CRMP1: variants seen among roughly 807,000 people sequenced by gnomAD.
CRMP1 encodes the protein dihydropyrimidinase-related protein 1.
CRMP1 carries 19 observed loss-of-function variants against 68.3 expected under a neutral mutation model. That is an observed-to-expected ratio of 0.28 (90% CI 0.19 to 0.41). CRMP1 has a LOEUF of 0.41. Among genes scored for constraint, CRMP1 ranks in the 10% least tolerant of loss-of-function variants. The pLI, the probability that CRMP1 is intolerant of heterozygous loss-of-function variation, is 1.00. For missense variants in CRMP1, 791 were observed against 967.4 expected, an observed-to-expected ratio of 0.82 and a Z score of 2.42; for synonymous variants, 439 against 399.6, an observed-to-expected ratio of 1.10 and a Z score of -1.18.
At position 5,865,429 on chromosome 4, in the gene CRMP1, G is replaced by A. The variant is rs1435967539; in HGVS notation, c.470+1239C>T. 6.6e-6 allele frequency among the ~76,000 whole-genome samples: 1 copy of A among 151,986 alleles called. No individual in the cohort carries two copies. The highest frequency in any genetic ancestry group is 1.5e-5 in the Non-Finnish European group (1 of 68,018). On this transcript the variant is annotated intron_variant, in intron 2 of 13. Transcript: ENST00000324989. The surrounding 1 kb of genome is among the most constrained non-coding windows in gnomAD (Gnocchi z 4.1). ...GAGGTCAGGAGATCGAGACCATCCT[G>A]GCCAACATGGTGAAACCCCCGTCTC... is the stretch of plus-strand genomic sequence containing the variant.
In CRMP1 at chr4:5,861,641, C is replaced by A. The variant is rs1042190861; in HGVS notation, c.471-431G>T. 2.0e-5 allele frequency among the ~76,000 whole-genome samples: 3 copies of A among 152,090 alleles called. No individual in the cohort carries two copies. Among genetic ancestry groups the A allele is most frequent in the Non-Finnish European group, 4.4e-5 (3 of 68,032 alleles). On this transcript the variant is annotated intron_variant, in intron 2 of 13. Transcript: ENST00000324989. The surrounding 1 kb of genome is among the most constrained non-coding windows in gnomAD (Gnocchi z 6.0). ...ATGGGGAAGGAGGGAAAAGAGCCTA[C>A]GAAATGAGAAACGAAGCCCCCGGGG...
rs974650793 is a variant in CRMP1, at chr4:5,839,415, T to G, written c.1310+107A>C. The G allele has an allele frequency of 5.1e-6, 7 of 1,371,516 alleles. No individual in the cohort carries two copies. The African/African-American group carries it at 7.2e-5, about 14-fold the overall frequency. The allele number at this position is 1,371,516 out of a possible 1,614,324, so 85.0% of individuals were successfully genotyped here. A position where few individuals can be genotyped will look rare whatever the true frequency, so the allele number is the denominator to read the frequency against. On this transcript the variant is annotated intron_variant, in intron 9 of 13. Transcript: ENST00000324989. ...TCCTTGCAGAGCACGGGGCAGAGCC[T>G]CCTCTACAATCATGAGTCCAAACCA... is the stretch of plus-strand genomic sequence containing the variant.
intron 12 of CRMP1, 26 bp downstream of exon 12, chr4:5,828,463 G>T (rs1422902497): frequency 3.1e-6 from 5 of 1,606,454 alleles, no homozygotes; most frequent in Non-Finnish European, 4.3e-6. Context: ...CCACGGGTGG[G>T]CCCGCTCCCC....
rs1715800479 is a variant in CRMP1 at position 5,888,828 on chromosome 4, G to T, written c.381+3761C>A. ...AGGCCTCCCCGGAACATCTGCGGGG[G>T]TGTGGGGGGAGGGAGTGTGGGACGG... On this transcript the variant is annotated intron_variant, in intron 1 of 13. Transcript: ENST00000324989. This position sits in a 1 kb window ranked among gnomAD's most constrained non-coding sequence, Gnocchi z 6.4. 6.6e-6 allele frequency among the ~76,000 whole-genome samples: 1 copy of T among 151,852 alleles called. No individual in the cohort carries two copies. The highest frequency in any genetic ancestry group is 6.5e-5 in the Admixed American group (1 of 15,272).
chr4:5,833,981 G>C (rs181386018), intron 11 of CRMP1, among the ~76,000 whole-genome samples: 55 of 152,344 alleles, frequency 3.6e-4, no homozygotes, highest in Non-Finnish European at 7.4e-5. Context: ...GGGAGGCGGA[G>C]CTTGCAGTGA....
intron 2 of CRMP1, among the ~76,000 whole-genome samples, chr4:5,864,195 G>A (rs1457283000): frequency 1.3e-5 from 2 of 152,112 alleles, no homozygotes; most frequent in Admixed American, 1.3e-4. Context: ...CTCTATAAGG[G>A]GGCCTGGCCC....
intron 6 of CRMP1, among the ~76,000 whole-genome samples, chr4:5,846,654 G>A (rs1256485243): frequency 6.6e-6 from 1 of 150,442 alleles, no homozygotes; most frequent in South Asian, 2.1e-4. Flanking sequence ...GTAGTGGCGT[G>A]ATCTCATCTC....
chr4:5,891,626 C>T lies in CRMP1; in HGVS notation c.381+963G>A, dbSNP rs771980475. Among the ~76,000 whole-genome samples the T allele has an allele frequency of 6.6e-6, 1 of 152,184 alleles. No individual in the cohort carries two copies. Among genetic ancestry groups the T allele is most frequent in the East Asian group, 1.9e-4 (1 of 5,186 alleles). On this transcript the variant is annotated intron_variant, in intron 1 of 13. Transcript: ENST00000324989. This position sits in a 1 kb window ranked among gnomAD's most constrained non-coding sequence, Gnocchi z 5.2. ...CTAGCGCCTACCCTGGGCCTGGCAC[C>T]TAGCAGTTCTCCGGCATCCAGGTCT... is the stretch of plus-strand genomic sequence containing the variant.
intron 13 of CRMP1, among the ~76,000 whole-genome samples, chr4:5,824,090 T>C (rs1401485654): frequency 1.3e-5 from 2 of 152,214 alleles, no homozygotes; most frequent in East Asian, 3.9e-4. Flanking sequence ...TTTAACTTCA[T>C]TGTTATTCTT....
intron 2 of CRMP1, among the ~76,000 whole-genome samples, chr4:5,862,144 G>A (rs1282260000): frequency 2.0e-5 from 3 of 152,134 alleles, no homozygotes; most frequent in African/African-American, 7.2e-5. Flanking sequence ...CCAGGGACAA[G>A]GTGGACACCC....
Position 5,838,526 on chromosome 4 carries a change from C to T in CRMP1, c.1310+996G>A, listed in dbSNP as rs116793220. 8.6e-3 allele frequency among the ~76,000 whole-genome samples: 1,316 copies of T among 152,230 alleles called. 23 individuals carry two copies. The highest frequency in any genetic ancestry group is 0.03 in the African/African-American group (1,256 of 41,526). On this transcript the variant is annotated intron_variant, in intron 9 of 13. Coordinates refer to ENST00000324989, the MANE Select transcript of CRMP1 (RefSeq NM_001014809.3). This position sits in a 1 kb window ranked among gnomAD's most constrained non-coding sequence, Gnocchi z 4.9. The stretch of plus-strand genomic sequence containing the variant: ...GTGGCCTGAGCCAGGATGGCCACAG[C>T]AGACAGGTGAGGCGTTGTCAGACTC...
Position 5,879,625 on chromosome 4 carries a change from A to G in CRMP1, c.382-12869T>C, listed in dbSNP as rs1362086574. ...TTGAAATAATATGTAAAAGCACCCA[A>G]TACACTGAACACTGTCCTATGAAGT... On this transcript the variant is annotated intron_variant, in intron 1 of 13. Transcript: ENST00000324989. This position sits in a 1 kb window ranked among gnomAD's most constrained non-coding sequence, Gnocchi z 4.2. Among the ~76,000 whole-genome samples, 3 of 152,208 alleles carry G rather than the reference A, an allele frequency of 2.0e-5. No individual in the cohort carries two copies. Among genetic ancestry groups the G allele is most frequent in the Non-Finnish European group, 4.4e-5 (3 of 68,044 alleles).
chr4:5,857,984 C>G (rs1713259007), intron 3 of CRMP1, among the ~76,000 whole-genome samples: 4 of 152,188 alleles, frequency 2.6e-5, no homozygotes, highest in Admixed American at 2.6e-4. Context: ...TCTCACCTCT[C>G]CTCCTCCCAC....
rs1023026207 is a variant in CRMP1, at chr4:5,858,688, G to T, written c.655+2338C>A. Among the ~76,000 whole-genome samples, 4 of 152,104 alleles carry T rather than the reference G, an allele frequency of 2.6e-5. No individual in the cohort carries two copies. Among genetic ancestry groups the T allele is most frequent in the Non-Finnish European group, 4.4e-5 (3 of 68,024 alleles). On this transcript the variant is annotated intron_variant, in intron 3 of 13. Transcript: ENST00000324989. This position sits in a 1 kb window ranked among gnomAD's most constrained non-coding sequence, Gnocchi z 5.5. ...ACCGGTCTCTCCAAAACACAGAACA[G>T]TTCACATCTCTCCCTGCTTAAAATA...
Position 5,836,909 on chromosome 4 carries a change from G to A in CRMP1, c.1311-3C>T, listed in dbSNP as rs1720764824. The stretch of plus-strand genomic sequence containing the variant: ...TGCCTGTGACCTGCAAGTCCCCACT[G>A]GCAAGGACAAAACAAGGTAGAGTTC... On this transcript the variant is annotated splice_region_variant and splice_polypyrimidine_tract_variant and intron_variant, in intron 9 of 13. Coordinates refer to ENST00000324989, the MANE Select transcript of CRMP1 (RefSeq NM_001014809.3). The A allele has an allele frequency of 6.2e-7, 1 of 1,607,816 alleles. No homozygotes were observed. Among genetic ancestry groups the A allele is most frequent in the Non-Finnish European group, 8.5e-7 (1 of 1,176,776 alleles).
chr4:5,857,839 T>C (rs1713248084), intron 3 of CRMP1, among the ~76,000 whole-genome samples: 1 of 152,088 alleles, frequency 6.6e-6, no homozygotes, highest in South Asian at 2.1e-4. Context: ...TCATCATCCT[T>C]TTTTCAAATA....
In CRMP1 at chr4:5,860,041, G is replaced by C. The variant is rs532372296; in HGVS notation, c.655+985C>G. 6.6e-6 allele frequency among the ~76,000 whole-genome samples: 1 copy of C among 152,206 alleles called. No individual in the cohort carries two copies. Among genetic ancestry groups the C allele is most frequent in the East Asian group, 1.9e-4 (1 of 5,152 alleles). On this transcript the variant is annotated intron_variant, in intron 3 of 13. Coordinates refer to ENST00000324989, the MANE Select transcript of CRMP1 (RefSeq NM_001014809.3). The surrounding 1 kb of genome is among the most constrained non-coding windows in gnomAD (Gnocchi z 4.2). ...AAGAAACAGCCATCGGGCTGCACAG[G>C]GCAATGGAGGAGGAGTCCAGTTTCC...
Position 5,872,530 on chromosome 4 carries a change from T to C in CRMP1, c.382-5774A>G, listed in dbSNP as rs370799985. The stretch of plus-strand genomic sequence containing the variant: ...GGTGAAACCCCGTCTCTACTAAAAA[T>C]GCAAAAATTAGTTGGGCGTGGTGGC... On this transcript the variant is annotated intron_variant, in intron 1 of 13. Coordinates refer to ENST00000324989, the MANE Select transcript of CRMP1 (RefSeq NM_001014809.3). This position sits in a 1 kb window ranked among gnomAD's most constrained non-coding sequence, Gnocchi z 4.6. Among the ~76,000 whole-genome samples the C allele has an allele frequency of 6.6e-5, 10 of 152,004 alleles. No individual in the cohort carries two copies. The highest frequency in any genetic ancestry group is 5.8e-4 in the East Asian group (3 of 5,164).
chr4:5,856,222 A>G lies in CRMP1; in HGVS notation c.741T>C (p.Cys247=). The change falls in exon 4 of 14, where the codon TGT becomes TGC. Residue 247 remains cysteine, a synonymous_variant. Coordinates refer to ENST00000324989, the MANE Select transcript of CRMP1 (RefSeq NM_001014809.3). ...TGATGTCCACGTGGAGGGAGTAATC[A>G]CAGCAGGATTTGGTGTCAGCTGCTT... is the stretch of plus-strand genomic sequence containing the variant. The part of the protein sequence containing the change: ...WHEAADTKSC[C]DYSLHVDITS... 1 of 1,614,030 alleles carries G rather than the reference A, an allele frequency of 6.2e-7. No homozygotes were observed. The highest frequency in any genetic ancestry group is 1.7e-4 in the Middle Eastern group (1 of 6,060).
Sources: gnomAD v4.1 joint callset for allele counts (sites outside exome capture counted in the v4.1 genomes callset) on GRCh38, gnomAD v4.1.1 for gene constraint, Gnocchi (gnomAD v3.1) non-coding constraint, MANE v1.5 for transcripts, NCBI Gene and HGNC (gene_info 2026-07-23, HGNC 2026-07-21) for gene names.